The following CNTNAP4 variants were observed in gnomAD, a reference collection of about 807,000 sequenced individuals.
The protein encoded by CNTNAP4 is contactin associated protein family member 4.
Under a neutral mutation model 148.4 loss-of-function variants are expected in CNTNAP4, and 98 were observed. That is an observed-to-expected ratio of 0.66 (90% confidence interval 0.56 to 0.78). CNTNAP4 has a LOEUF of 0.78. CNTNAP4 is among the 30% of genes least tolerant of loss of function. CNTNAP4 has a pLI of 0.00. For missense variants in CNTNAP4, 1,935 were observed against 1,565.6 expected (o/e 1.24, Z -3.98); for synonymous variants, 730 against 565.1 (o/e 1.29, Z -4.14).
At chr16:76,556,914 C>G (rs1017965729) in intron 23 of CNTNAP4, among the ~76,000 whole-genome samples, 1 of 152,096 alleles carries the variant, frequency 6.6e-6, no homozygotes, top group Non-Finnish European at 1.5e-5. Context: ...CAGGGTGAAT[C>G]GGCCTAGCAG....
chr16:76,302,861 C>G (rs1438318196), intron 1 of CNTNAP4, among the ~76,000 whole-genome samples: 1 of 152,140 alleles, frequency 6.6e-6, no homozygotes, highest in Non-Finnish European at 1.5e-5. Context: ...AGGGAGGGCT[C>G]TATGCCACGA....
At chr16:76,422,287 TATAAC>T (rs779537107) in intron 3 of CNTNAP4, among the ~76,000 whole-genome samples, 16 of 152,258 alleles carry the variant, frequency 1.1e-4, no homozygotes, top group East Asian at 7.7e-4. Flanking sequence ...TACTTAATGA[TATAAC>T]ATATATTCTG....
chr16:76,393,206 C>T (rs1050484198), intron 3 of CNTNAP4, among the ~76,000 whole-genome samples: 2 of 152,064 alleles, frequency 1.3e-5, no homozygotes, highest in Non-Finnish European at 2.9e-5. Context: ...TCTCAGCCAT[C>T]GATGATGATT....
intron 21 of CNTNAP4, among the ~76,000 whole-genome samples, chr16:76,545,170 G>GT: frequency 6.6e-6 from 1 of 152,286 alleles, no homozygotes; most frequent in East Asian, 1.9e-4. Flanking sequence ...TTAAAAAAAT[G>GT]TATCAGGTCC....
intron 3 of CNTNAP4, among the ~76,000 whole-genome samples, chr16:76,403,050 A>G (rs1036358205): frequency 2.0e-5 from 3 of 152,068 alleles, no homozygotes; most frequent in African/African-American, 7.2e-5. Context: ...ACTCCATTAA[A>G]ACGCGGGAAA....
At chr16:76,354,965 A>G (rs1009329910) in intron 2 of CNTNAP4, among the ~76,000 whole-genome samples, 4 of 152,158 alleles carry the variant, frequency 2.6e-5, no homozygotes, top group Non-Finnish European at 4.4e-5. Context: ...TCCTGGGCAA[A>G]GGGGTAGCAG....
At chr16:76,462,971 A>T (rs2081039454) in intron 9 of CNTNAP4, among the ~76,000 whole-genome samples, 1 of 152,218 alleles carries the variant, frequency 6.6e-6, no homozygotes, top group African/African-American at 2.4e-5. Context: ...TTTTCTAAGT[A>T]TTGACGGTGA....
intron 23 of CNTNAP4, among the ~76,000 whole-genome samples, chr16:76,554,617 A>G (rs1186900308): frequency 6.6e-6 from 1 of 152,044 alleles, no homozygotes; most frequent in Non-Finnish European, 1.5e-5. Context: ...TAAGAATGTT[A>G]TTAATCAGAT....
At chr16:76,362,085 A>G (rs992597154) in intron 3 of CNTNAP4, among the ~76,000 whole-genome samples, 3 of 152,084 alleles carry the variant, frequency 2.0e-5, no homozygotes, top group Non-Finnish European at 4.4e-5. Flanking sequence ...CTATTATTAT[A>G]TATTTAGTTT....
intron 1 of CNTNAP4, among the ~76,000 whole-genome samples, chr16:76,286,058 A>C (rs1958868521): frequency 6.6e-6 from 1 of 152,120 alleles, no homozygotes; most frequent in African/African-American, 2.4e-5. Flanking sequence ...GTATTCAAAG[A>C]TACTATGTAT....
At chr16:76,502,622 A>G (rs2082694402) in intron 15 of CNTNAP4, among the ~76,000 whole-genome samples, 2 of 152,190 alleles carry the variant, frequency 1.3e-5, no homozygotes, top group South Asian at 4.1e-4. Flanking sequence ...GACAAGGAAA[A>G]GATGAGAGCT....
intron 4 of CNTNAP4, among the ~76,000 whole-genome samples, chr16:76,431,451 G>C (rs373594347): frequency 2.6e-5 from 4 of 152,132 alleles, no homozygotes; most frequent in Non-Finnish European, 4.4e-5. Flanking sequence ...AGGTGGAGGT[G>C]GGGGGTTACC....
At chr16:76,306,261 C>T (rs1463393403) in intron 1 of CNTNAP4, among the ~76,000 whole-genome samples, 1 of 152,148 alleles carries the variant, frequency 6.6e-6, no homozygotes, top group Non-Finnish European at 1.5e-5. Flanking sequence ...CTGAACCCAT[C>T]CTTCTTAATA....
intron 23 of CNTNAP4, chr16:76,557,276 A>G (rs540710277): frequency 6.6e-6 from 1 of 152,146 alleles, no homozygotes; most frequent in Non-Finnish European, 1.5e-5. Context: ...TACTTCATTC[A>G]TTTTAGAGAA....
At chr16:76,454,574 T>C (rs1213040904) in intron 8 of CNTNAP4, among the ~76,000 whole-genome samples, 1 of 152,182 alleles carries the variant, frequency 6.6e-6, no homozygotes, top group Non-Finnish European at 1.5e-5. Context: ...ATTTAAAAAC[T>C]CTCTCTACTC....
At chr16:76,539,960 GTCT>G in intron 20 of CNTNAP4, 108 bp downstream of exon 20, 2 of 761,366 alleles carry the variant, frequency 2.6e-6, no homozygotes, top group Non-Finnish European at 4.1e-6. Flanking sequence ...ACTTTCATTG[GTCT>G]TCTTCTGCAG....
chr16:76,314,451 G>A (rs1157179660), intron 1 of CNTNAP4, among the ~76,000 whole-genome samples: 3 of 152,182 alleles, frequency 2.0e-5, no homozygotes, highest in African/African-American at 7.2e-5. Context: ...GTGTGTATAT[G>A]TGTATACACA....
chr16:76,340,495 C>T (rs954543678), intron 2 of CNTNAP4, among the ~76,000 whole-genome samples: 8 of 152,132 alleles, frequency 5.3e-5, no homozygotes, highest in African/African-American at 1.9e-4. Flanking sequence ...CAAACGACCA[C>T]CCTGGACTTT....
At chr16:76,413,855 T>G (rs1288835886) in intron 3 of CNTNAP4, among the ~76,000 whole-genome samples, 1 of 151,392 alleles carries the variant, frequency 6.6e-6, no homozygotes, top group Non-Finnish European at 1.5e-5. Flanking sequence ...GATACTAATG[T>G]AAATGTCATT....
Sources: allele counts gnomAD v4.1 joint callset (sites outside exome capture counted in the v4.1 genomes callset), GRCh38; gene constraint gnomAD v4.1.1; transcripts MANE v1.5; gene names NCBI Gene and HGNC (gene_info 2026-07-23, HGNC 2026-07-21).